ELP1: variants seen among roughly 807,000 people sequenced by gnomAD.
The protein encoded by ELP1 is elongator acetyltransferase complex subunit 1, also known as elongator complex protein 1.
ELP1 carries 131 observed loss-of-function variants against 183.2 expected under a neutral mutation model. That is an observed-to-expected ratio of 0.72 (90% CI 0.62 to 0.83). The LOEUF is 0.83. Ranked by LOEUF, ELP1 falls within the 40% of genes least tolerant of loss-of-function variation. The probability of loss-of-function intolerance (pLI) is 0.00; values close to 1 mark genes in which losing one functional copy is unlikely to be tolerated. For synonymous variants in ELP1, 555 were observed against 569.0 expected (o/e 0.98, Z 0.35); for missense variants, 1,550 against 1,594.9 (o/e 0.97, Z 0.48).
chr9:108,923,479 A>G (rs1362271423), intron 5 of ELP1, among the ~76,000 whole-genome samples: 1 of 152,226 alleles, frequency 6.6e-6, no homozygotes, highest in East Asian at 1.9e-4. Flanking sequence ...CATCTTACAT[A>G]TTCCAAGTTT....
At chr9:108,920,484 G>T (rs1829606040) in intron 6 of ELP1, among the ~76,000 whole-genome samples, 2 of 151,664 alleles carry the variant, frequency 1.3e-5, no homozygotes, top group African/African-American at 4.8e-5. Context: ...ATTTCACCAT[G>T]TTGGACATGC....
intron 7 of ELP1, 142 bp downstream of exon 7, chr9:108,919,111 C>T: frequency 1.3e-6 from 1 of 755,238 alleles, no homozygotes; most frequent in Non-Finnish European, 2.3e-6. Context: ...TTAACTCTAA[C>T]CTCATTTCAC....
At chr9:108,933,057 G>C (rs758004250) in intron 1 of ELP1, among the ~76,000 whole-genome samples, 12 of 152,146 alleles carry the variant, frequency 7.9e-5, no homozygotes, top group Admixed American at 3.9e-4. Context: ...TAAATGCCTA[G>C]CCCTGACTGA....
chr9:108,897,970 T>C (rs1366244296), intron 22 of ELP1, among the ~76,000 whole-genome samples: 1 of 152,152 alleles, frequency 6.6e-6, no homozygotes, highest in East Asian at 1.9e-4. Flanking sequence ...GTTAATGATA[T>C]ACAAGGAGAA....
intron 5 of ELP1, among the ~76,000 whole-genome samples, chr9:108,924,237 T>C (rs981714237): frequency 6.6e-6 from 1 of 152,210 alleles, no homozygotes; most frequent in Non-Finnish European, 1.5e-5. Context: ...TTATGTATCA[T>C]GTATAACTTT....
chr9:108,885,435 C>T (rs1828088645), intron 29 of ELP1, among the ~76,000 whole-genome samples: 1 of 152,126 alleles, frequency 6.6e-6, no homozygotes, highest in African/African-American at 2.4e-5. Flanking sequence ...ACTTGAAAGA[C>T]ATAAACTACC....
At chr9:108,898,316 G>A (rs1320435460) in intron 22 of ELP1, among the ~76,000 whole-genome samples, 186 bp downstream of exon 22, 1 of 152,172 alleles carries the variant, frequency 6.6e-6, no homozygotes, top group Non-Finnish European at 1.5e-5. Context: ...TAAGGACATA[G>A]TTTTAAACAG....
intron 5 of ELP1, among the ~76,000 whole-genome samples, chr9:108,925,691 G>A (rs1829802615): frequency 6.6e-6 from 1 of 152,038 alleles, no homozygotes; most frequent in South Asian, 2.1e-4. Context: ...TGTCATTACT[G>A]TGCTGATACC....
chr9:108,896,531 C>A lies in ELP1; in HGVS notation c.2701G>T (p.Asp901Tyr). Reference sequence around the variant, plus strand: ...TTCTCAGCTACCATGAGGACCAAATCAAAGTCATAGGTGCCAAGAGAATGA... The same window carrying A: ...TTCTCAGCTACCATGAGGACCAAATAAAAGTCATAGGTGCCAAGAGAATGA... The part of the protein sequence containing the change: ...YDHSLGTYDF[D>Y]LVLMVAEKSQ... Residue 901 changes from aspartate (D) to tyrosine (Y), a missense_variant, in exon 25 of 37, where the codon GAT (aspartate) becomes TAT (tyrosine). By Grantham distance (160) the Asp-to-Tyr change is radical. Coordinates refer to ENST00000374647, the MANE Select transcript of ELP1 (RefSeq NM_003640.5). 6.2e-7 allele frequency: 1 copy of A among 1,614,150 alleles called. No individual in the cohort carries two copies. Among genetic ancestry groups the A allele is most frequent in the South Asian group, 1.1e-5 (1 of 91,082 alleles).
chr9:108,932,326 C>A (rs1265423602), intron 1 of ELP1, among the ~76,000 whole-genome samples: 1 of 152,054 alleles, frequency 6.6e-6, no homozygotes, highest in Non-Finnish European at 1.5e-5. Context: ...TTACTTGAAC[C>A]TCTAACATAT....
chr9:108,892,115 C>T (rs3780512), intron 27 of ELP1, among the ~76,000 whole-genome samples: 15,569 of 152,160 alleles, frequency 0.1, 975 homozygotes, highest in South Asian at 0.32. Flanking sequence ...CTGGTGGAGG[C>T]GACAAACCAG....
chr9:108,906,656 T>C (rs1829033261), intron 13 of ELP1, among the ~76,000 whole-genome samples, 171 bp from the exon 14 acceptor site: 2 of 152,196 alleles, frequency 1.3e-5, no homozygotes, highest in African/African-American at 2.4e-5. Flanking sequence ...TTAATCTTTG[T>C]CTGGCTTAAG....
rs749844611 is a variant in ELP1, at chr9:108,900,286, G to T, written c.2104C>A (p.Pro702Thr). 3 of 1,613,608 alleles carry T rather than the reference G, an allele frequency of 1.9e-6. No homozygotes were observed. The highest frequency in any genetic ancestry group is 2.5e-6 in the Non-Finnish European group (3 of 1,179,642). Reference protein sequence around the residue: ...ERGSRIVTVVPQDTKLVLQMP... With the variant: ...ERGSRIVTVVTQDTKLVLQMP... ...TGTAATACAAGCTTTGTGTCCTGGG[G>T]CACAACAGTGACAATCCGTGAACCC... Residue 702 changes from proline (P) to threonine (T), a missense_variant, in exon 19 of 37, where the codon CCC (proline) becomes ACC (threonine). Coordinates refer to ENST00000374647, the MANE Select transcript of ELP1 (RefSeq NM_003640.5).
At chr9:108,869,281 T>G (rs1415056563) in intron 36 of ELP1, 99 bp from the exon 37 acceptor site, 16 of 992,894 alleles carry the variant, frequency 1.6e-5, no homozygotes, top group Admixed American at 1.2e-4. Flanking sequence ...AGGTGGAGTT[T>G]GCAGCAATAA....
At position 108,878,708 on chromosome 9, in the gene ELP1, G is replaced by T; in HGVS notation, c.3615C>A (p.His1205Gln). ...CCAGCGGACTGCCTTCTTTGAGGCT[G>T]TGCTTCTTCCGCTCCGCTTTTCGGC... is the stretch of plus-strand genomic sequence containing the variant. ...KNRRKAERKK[H>Q]SLKEGSPLED... The change falls in exon 34 of 37, where the codon CAC (histidine) becomes CAA (glutamine). Residue 1205 changes from histidine (H) to glutamine (Q), a missense_variant. Physicochemically the swap from His to Gln is conservative, Grantham distance 24. Transcript: ENST00000374647. The T allele has an allele frequency of 6.2e-7, 1 of 1,614,198 alleles. No homozygotes were observed. The highest frequency in any genetic ancestry group is 8.5e-7 in the Non-Finnish European group (1 of 1,180,046).
At chr9:108,877,945 A>G in intron 35 of ELP1, 50 bp downstream of exon 35, 1 of 1,595,002 alleles carries the variant, frequency 6.3e-7, no homozygotes, top group Non-Finnish European at 8.6e-7. Flanking sequence ...TGAATACAAT[A>G]ACCCATGAAA....
chr9:108,922,724 C>A, intron 6 of ELP1, 118 bp downstream of exon 6: 1 of 796,074 alleles, frequency 1.3e-6, no homozygotes, highest in South Asian at 1.4e-5. Context: ...GGCAGTTTTA[C>A]TAAAGCAGAA....
chr9:108,929,663 G>A, intron 3 of ELP1, 106 bp downstream of exon 3: 1 of 1,134,486 alleles, frequency 8.8e-7, no homozygotes. Context: ...AAATTAATTA[G>A]CAAAAGTGTA....
chr9:108,880,711 T>C (rs1488489085), intron 31 of ELP1, among the ~76,000 whole-genome samples: 1 of 152,230 alleles, frequency 6.6e-6, no homozygotes, highest in Non-Finnish European at 1.5e-5. Flanking sequence ...CCTATGTAGA[T>C]GAATTATCGG....
Sources: gnomAD v4.1 joint callset for allele counts (sites outside exome capture counted in the v4.1 genomes callset) on GRCh38, gnomAD v4.1.1 for gene constraint, MANE v1.5 for transcripts, NCBI Gene and HGNC (gene_info 2026-07-23, HGNC 2026-07-21) for gene names.